SARDH: variants seen among roughly 807,000 people sequenced by gnomAD.
SARDH encodes sarcosine dehydrogenase, mitochondrial.
A neutral mutation model predicts 109.1 loss-of-function variants in SARDH; 95 were observed. The observed-to-expected ratio is 0.87, with a 90% CI of 0.74 to 1.03. The LOEUF is 1.03. SARDH is among the 50% of genes least tolerant of loss of function. The pLI, the probability that SARDH is intolerant of heterozygous loss-of-function variation, is 0.00. For missense variants in SARDH, 1,267 were observed against 1,287.8 expected (o/e 0.98, Z 0.25); for synonymous variants, 572 against 534.8 (o/e 1.07, Z -0.96).
In SARDH at chr9:133,686,969, C is replaced by T. The variant is rs1830908006; in HGVS notation, c.2070-1683G>A. Among the ~76,000 whole-genome samples the T allele has an allele frequency of 1.3e-5, 2 of 152,160 alleles. No homozygotes were observed. ...CCCTGGGGCAGAAGCCTGGAGCTGC[C>T]ACCTGGTCCAAGGCTTTGAAGGGCT... On this transcript the variant is annotated intron_variant, in intron 16 of 20. Transcript: ENST00000439388. The surrounding 1 kb of genome is among the most constrained non-coding windows in gnomAD (Gnocchi z 4.0).
At chr9:133,713,185 G>T in intron 8 of SARDH, 61 bp from the exon 9 acceptor site, 1 of 1,442,538 alleles carries the variant, frequency 6.9e-7, no homozygotes, top group Non-Finnish European at 9.6e-7. Flanking sequence ...TTGGGGTGAG[G>T]TCTTCCAAGA....
intron 17 of SARDH, among the ~76,000 whole-genome samples, chr9:133,677,533 A>G (rs1039119569): frequency 6.6e-6 from 1 of 152,188 alleles, no homozygotes; most frequent in African/African-American, 2.4e-5. Context: ...AATCAAACCC[A>G]TGAAGGGTGG....
At chr9:133,668,064 C>T (rs1830136917) in intron 19 of SARDH, among the ~76,000 whole-genome samples, 1 of 151,970 alleles carries the variant, frequency 6.6e-6, no homozygotes, top group Non-Finnish European at 1.5e-5. Flanking sequence ...CTCCTAAACC[C>T]AGACATCAGG....
At position 133,663,914 on chromosome 9, in the gene SARDH, T is replaced by G. The variant is rs1217651279; in HGVS notation, c.2732A>C (p.Asn911Thr). 1.3e-5 allele frequency: 21 copies of G among 1,613,906 alleles called. No individual in the cohort carries two copies. The highest frequency in any genetic ancestry group is 1.7e-5 in the Non-Finnish European group (20 of 1,180,008). ...TCAGTAGATTCCCTTCACCCTCTTG[T>G]TGTTGGGGTCGAAGGGCGACTTCAG... The part of the protein sequence containing the change: ...AHLKSPFDPN[N>T]KRVKGIY Residue 911 changes from asparagine (N) to threonine (T), a missense_variant, in exon 21 of 21, where the codon AAC becomes ACC. Physicochemically the swap from Asn to Thr is moderately conservative, Grantham distance 65 (BLOSUM62 0). Transcript: ENST00000439388.
intron 6 of SARDH, among the ~76,000 whole-genome samples, chr9:133,725,140 C>T (rs999992141): frequency 6.6e-6 from 1 of 152,148 alleles, no homozygotes; most frequent in African/African-American, 2.4e-5. Flanking sequence ...TCCATTTATA[C>T]TAAACGTCCA....
In SARDH at chr9:133,698,012, AAAAAAAAAAG is replaced by A. The variant is rs1284554283; in HGVS notation, c.1669-1661_1669-1652del. The stretch of plus-strand genomic sequence containing the variant: ...TAGGAAATCCTAAGGAATCCACTAA[AAAAAAAAAAG>A]AAAAAAAAGAAAAAAAACTGTTAGA... On this transcript the variant is annotated intron_variant, in intron 13 of 20. Coordinates refer to ENST00000439388, the MANE Select transcript of SARDH (RefSeq NM_001134707.2). Among the ~76,000 whole-genome samples the A allele has an allele frequency of 4.0e-5, 6 of 150,248 alleles. 1 individual carries two copies. Among genetic ancestry groups the A allele is most frequent in the Non-Finnish European group, 5.9e-5 (4 of 67,532 alleles).
rs1830069933 is a variant in SARDH at position 133,666,531 on chromosome 9, C to A, written c.2631+204G>T. On this transcript the variant is annotated intron_variant, in intron 20 of 20. Coordinates refer to ENST00000439388, the MANE Select transcript of SARDH (RefSeq NM_001134707.2). This position sits in a 1 kb window ranked among gnomAD's most constrained non-coding sequence, Gnocchi z 5.2. ...TCTCCCTCCTCCTCCTCCTTCCTCTCTCCCCTTTTTCCTTCCCCCTCCTTC... is the reference window on the plus strand; with the variant it reads ...TCTCCCTCCTCCTCCTCCTTCCTCTATCCCCTTTTTCCTTCCCCCTCCTTC... Among the ~76,000 whole-genome samples the A allele has an allele frequency of 2.7e-5, 4 of 149,170 alleles. No individual in the cohort carries two copies. In the South Asian group the frequency reaches 8.8e-4, roughly 33 times the overall value.
At chr9:133,688,884 C>T (rs1830987237) in intron 16 of SARDH, among the ~76,000 whole-genome samples, 1 of 152,234 alleles carries the variant, frequency 6.6e-6, no homozygotes, top group South Asian at 2.1e-4. Context: ...TTAAAGCACT[C>T]GACCCTCTCC....
chr9:133,688,555 C>T (rs1830971567), intron 16 of SARDH, among the ~76,000 whole-genome samples: 1 of 152,118 alleles, frequency 6.6e-6, no homozygotes. Context: ...CCACCAAAGC[C>T]CAAGCCCGAC....
In SARDH at chr9:133,666,908, C is replaced by T; in HGVS notation, c.2496-38G>A. 1 of 1,610,586 alleles carries T rather than the reference C, an allele frequency of 6.2e-7. No individual in the cohort carries two copies. Among genetic ancestry groups the T allele is most frequent in the South Asian group, 1.1e-5 (1 of 90,530 alleles). On this transcript the variant is annotated intron_variant, in intron 19 of 20. Coordinates refer to ENST00000439388, the MANE Select transcript of SARDH (RefSeq NM_001134707.2). The surrounding 1 kb of genome is among the most constrained non-coding windows in gnomAD (Gnocchi z 5.2). ...GTAGAGAAAGCTGGGGCCCCAGAAA[C>T]CGCAGGGTGGGGACGCGTCCACAGC...
chr9:133,688,958 G>T (rs1318824323), intron 16 of SARDH, among the ~76,000 whole-genome samples: 2 of 152,240 alleles, frequency 1.3e-5, no homozygotes, highest in Non-Finnish European at 2.9e-5. Context: ...CAGTGCATAT[G>T]CTTGGACGGA....
In SARDH at chr9:133,702,958, C is replaced by T. The variant is rs1373477147; in HGVS notation, c.1626G>A (p.Leu542=). ...AHEDYAYRRL[L]ADEYTFAFPP... Reference sequence around the variant, plus strand: ...GGAAGGCGAAGGTGTACTCGTCTGCCAGCAGCCTGCGGTAGGCGTAGTCCT... The same window carrying T: ...GGAAGGCGAAGGTGTACTCGTCTGCTAGCAGCCTGCGGTAGGCGTAGTCCT... The change falls in exon 13 of 21, where the codon CTG becomes CTA. Residue 542 remains leucine, a synonymous_variant. Coordinates refer to ENST00000439388, the MANE Select transcript of SARDH (RefSeq NM_001134707.2). 2 of 1,613,370 alleles carry T rather than the reference C, an allele frequency of 1.2e-6. No individual in the cohort carries two copies. The highest frequency in any genetic ancestry group is 2.2e-5 in the South Asian group (2 of 91,066).
chr9:133,725,657 C>T (rs2131488155), intron 6 of SARDH: 1 of 237,552 alleles, frequency 4.2e-6, no homozygotes, highest in East Asian at 1.3e-4. Context: ...GTGTGGGCAA[C>T]AAAGTGAAAC....
chr9:133,721,038 T>C (rs919079579), intron 6 of SARDH, among the ~76,000 whole-genome samples: 3 of 152,132 alleles, frequency 2.0e-5, no homozygotes, highest in Non-Finnish European at 4.4e-5. Flanking sequence ...AGAAGGTCCG[T>C]CTTGAAAGTT....
At chr9:133,713,885 C>T (rs906873382) in intron 8 of SARDH, among the ~76,000 whole-genome samples, 3 of 152,258 alleles carry the variant, frequency 2.0e-5, no homozygotes, top group Non-Finnish European at 2.9e-5. Context: ...TACAGACGTT[C>T]ATGTCCTGGG....
intron 1 of SARDH, among the ~76,000 whole-genome samples, chr9:133,736,343 C>A (rs1377226916): frequency 2.0e-5 from 3 of 152,134 alleles, no homozygotes; most frequent in Admixed American, 2.0e-4. Context: ...TGTTGCAGCT[C>A]TTTTGCTGTG....
chr9:133,669,586 G>A (rs952493466), intron 19 of SARDH, among the ~76,000 whole-genome samples: 2 of 152,070 alleles, frequency 1.3e-5, no homozygotes, highest in Non-Finnish European at 2.9e-5. Flanking sequence ...TCTCCCAGTA[G>A]CCCAGGGATC....
downstream of SARDH, among the ~76,000 whole-genome samples, chr9:133,660,007 G>C (rs926783883): frequency 7.9e-5 from 12 of 152,130 alleles, no homozygotes; most frequent in African/African-American, 2.9e-4. Context: ...AAGAGCGGCA[G>C]TGATTGGGAA....
chr9:133,700,316 G>A (rs527794568), intron 13 of SARDH, among the ~76,000 whole-genome samples: 11 of 151,366 alleles, frequency 7.3e-5, no homozygotes, highest in Admixed American at 1.3e-4. Context: ...AACAGAGCAA[G>A]ACCCCATCTC....
Sources: allele counts gnomAD v4.1 joint callset (sites outside exome capture counted in the v4.1 genomes callset), GRCh38; gene constraint gnomAD v4.1.1; non-coding constraint Gnocchi (gnomAD v3.1); transcripts MANE v1.5; gene names NCBI Gene and HGNC (gene_info 2026-07-23, HGNC 2026-07-21).